The following ZC3H12B variants were observed in gnomAD, a reference collection of about 807,000 sequenced individuals.
ZC3H12B encodes zinc finger CCCH-type containing 12B.
Under a neutral mutation model 43.9 loss-of-function variants are expected in ZC3H12B, and 7 were observed. The observed-to-expected ratio is 0.16, with a 90% CI of 0.09 to 0.30. The LOEUF (loss-of-function observed/expected upper bound fraction) is 0.30, where lower values mean the gene tolerates loss of function less well. Among genes scored for constraint, ZC3H12B ranks in the 10% least tolerant of loss-of-function variants. The probability of loss-of-function intolerance (pLI) is 1.00; values close to 1 mark genes in which losing one functional copy is unlikely to be tolerated. For missense variants in ZC3H12B, 475 were observed against 670.2 expected, an observed-to-expected ratio of 0.71 and a Z score of 3.22; for synonymous variants, 222 against 241.7, an observed-to-expected ratio of 0.92 and a Z score of 0.76.
chrX:65,137,762 A>C, the ZC3H12B span, among the ~76,000 whole-genome samples: 1 of 112,795 alleles, frequency 8.9e-6, no homozygotes, highest in African/African-American at 3.2e-5. Flanking sequence ...AATAATTTTA[A>C]GTATCTGAAA....
the ZC3H12B span, among the ~76,000 whole-genome samples, chrX:65,080,382 TAGAAC>T: frequency 9.1e-6 from 1 of 110,378 alleles, no homozygotes; most frequent in African/African-American, 3.3e-5. Context: ...AAGAAGTTTA[TAGAAC>T]ACCAAGAAGA....
At chrX:65,182,793 TA>T in the ZC3H12B span, among the ~76,000 whole-genome samples, 4 of 110,379 alleles carry the variant, frequency 3.6e-5, no homozygotes, top group Admixed American at 1.9e-4. Flanking sequence ...AAAGGAAACA[TA>T]AATGCAGCCA....
chrX:65,404,341 A>T (rs1401692998), intron 3 of ZC3H12B, among the ~76,000 whole-genome samples: 1 of 93,881 alleles, frequency 1.1e-5, no homozygotes, highest in African/African-American at 7.5e-5. Context: ...AAATAACAAA[A>T]TGGCAGGAGT....
the ZC3H12B span, among the ~76,000 whole-genome samples, chrX:65,206,152 A>G: frequency 8.9e-6 from 1 of 111,942 alleles, no homozygotes; most frequent in Non-Finnish European, 1.9e-5. Flanking sequence ...ACACAGCTAG[A>G]AAATAATCAT....
chrX:65,351,806 G>A, the ZC3H12B span, among the ~76,000 whole-genome samples: 1 of 112,268 alleles, frequency 8.9e-6, no homozygotes, highest in Non-Finnish European at 1.9e-5. Flanking sequence ...TCATTAAAAA[G>A]TTGGGAAACA....
At chrX:65,406,619 GGACT>G (rs1569396868) in intron 3 of ZC3H12B, among the ~76,000 whole-genome samples, 2 of 94,582 alleles carry the variant, frequency 2.1e-5, no homozygotes, top group African/African-American at 3.7e-5. Flanking sequence ...GGGCTGGGCG[GGACT>G]GGGCGGGGCC....
the ZC3H12B span, among the ~76,000 whole-genome samples, chrX:65,201,442 ATTC>A: frequency 9.1e-6 from 1 of 110,086 alleles, no homozygotes; most frequent in African/African-American, 3.3e-5. Flanking sequence ...TTTTTCTTTT[ATTC>A]TTTATTAGTC....
At chrX:65,317,997 C>CT in the ZC3H12B span, among the ~76,000 whole-genome samples, 1 of 107,912 alleles carries the variant, frequency 9.3e-6, no homozygotes, top group Middle Eastern at 4.8e-3. Context: ...GTGCAAGTAT[C>CT]TTTTTTGTAT....
the ZC3H12B span, among the ~76,000 whole-genome samples, chrX:65,085,754 A>T: frequency 2.8e-5 from 3 of 108,818 alleles, no homozygotes; most frequent in Non-Finnish European, 3.8e-5. Flanking sequence ...TATGGGCTAT[A>T]CCCTGTCTCG....
the ZC3H12B span, among the ~76,000 whole-genome samples, chrX:65,121,961 A>G: frequency 9.0e-5 from 10 of 111,202 alleles, no homozygotes; most frequent in Non-Finnish European, 1.3e-4. Context: ...GCGGTTTTGA[A>G]TGAGTTTCTT....
chrX:65,490,044 C>T (rs2068182154), intron 1 of ZC3H12B, among the ~76,000 whole-genome samples: 1 of 111,812 alleles, frequency 8.9e-6, no homozygotes, highest in South Asian at 3.7e-4. Context: ...TTTTCTGATT[C>T]CAATGATGAT....
chrX:65,503,354 G>A, exon 5 of ZC3H12B: 1 of 507,521 alleles, frequency 2.0e-6, no homozygotes, highest in Non-Finnish European at 3.0e-6. Context: ...AACCCTGTGA[G>A]GTACGTCTTA....
At chrX:65,125,719 A>T in the ZC3H12B span, among the ~76,000 whole-genome samples, 1 of 110,963 alleles carries the variant, frequency 9.0e-6, no homozygotes, top group Non-Finnish European at 1.9e-5. Flanking sequence ...ATCATTATAT[A>T]ATTTCCTTCT....
At chrX:65,211,085 A>T in the ZC3H12B span, among the ~76,000 whole-genome samples, 5 of 80,362 alleles carry the variant, frequency 6.2e-5, no homozygotes, top group African/African-American at 6.0e-4. Flanking sequence ...AAAAAAAAAG[A>T]AAGAAAAAAA....
At chrX:65,192,061 C>T in the ZC3H12B span, among the ~76,000 whole-genome samples, 4 of 110,171 alleles carry the variant, frequency 3.6e-5, no homozygotes, top group African/African-American at 6.6e-5. Context: ...ATTATGTACC[C>T]AGTAGTCATT....
the ZC3H12B span, among the ~76,000 whole-genome samples, chrX:65,121,140 G>T: frequency 9.0e-6 from 1 of 111,082 alleles, no homozygotes; most frequent in Non-Finnish European, 1.9e-5. Flanking sequence ...GCCCGGCTTT[G>T]GTATCAGGAT....
At chrX:65,140,169 T>C in the ZC3H12B span, among the ~76,000 whole-genome samples, 3 of 111,681 alleles carry the variant, frequency 2.7e-5, no homozygotes, top group East Asian at 8.4e-4. Context: ...GTCTTGTTTT[T>C]GATCTTAGAA....
the ZC3H12B span, among the ~76,000 whole-genome samples, chrX:65,055,108 A>T: frequency 9.0e-6 from 1 of 111,203 alleles, no homozygotes; most frequent in Non-Finnish European, 1.9e-5. Flanking sequence ...GCTGGCCAGA[A>T]CTTCCAACAC....
intron 3 of ZC3H12B, among the ~76,000 whole-genome samples, chrX:65,424,835 T>C (rs1470827758): frequency 8.9e-6 from 1 of 111,931 alleles, no homozygotes; most frequent in East Asian, 2.8e-4. Context: ...GTGTCATTGT[T>C]GTACCAGTAC....
Sources: gnomAD v4.1 joint callset for allele counts (sites outside exome capture counted in the v4.1 genomes callset) on GRCh38, gnomAD v4.1.1 for gene constraint, MANE v1.5 for transcripts, NCBI Gene and HGNC (gene_info 2026-07-23, HGNC 2026-07-21) for gene names.